MINDY2: variants seen among roughly 807,000 people sequenced by gnomAD.
The protein encoded by MINDY2 is MINDY lysine 48 deubiquitinase 2, also known as ubiquitin carboxyl-terminal hydrolase MINDY-2.
MINDY2 carries 52 observed loss-of-function variants against 68.2 expected under a neutral mutation model. The observed-to-expected ratio is 0.76, with a 90% confidence interval of 0.61 to 0.96. The LOEUF (loss-of-function observed/expected upper bound fraction) is 0.96, where lower values mean the gene tolerates loss of function less well. Among genes scored for constraint, MINDY2 ranks in the 40% least tolerant of loss-of-function variants. The pLI, the probability that MINDY2 is intolerant of heterozygous loss-of-function variation, is 0.00. For missense variants in MINDY2, 881 were observed against 773.4 expected, an observed-to-expected ratio of 1.14 and a Z score of -1.65; for synonymous variants, 372 against 303.0, an observed-to-expected ratio of 1.23 and a Z score of -2.36.
intron 2 of MINDY2, among the ~76,000 whole-genome samples, chr15:58,797,804 T>G (rs1212466581): frequency 6.6e-6 from 1 of 152,118 alleles, no homozygotes; most frequent in African/African-American, 2.4e-5. Context: ...TGCCATGAGT[T>G]CTGCAAATGA....
chr15:58,778,525 A>C (rs1900917596), intron 1 of MINDY2, among the ~76,000 whole-genome samples: 1 of 151,742 alleles, frequency 6.6e-6, no homozygotes, highest in Non-Finnish European at 1.5e-5. Context: ...AGCTTAAAAA[A>C]ACAGACACAC....
Position 58,817,175 on chromosome 15 carries a change from G to C in MINDY2, c.1123-4542G>C, listed in dbSNP as rs117365676. 9.0e-4 allele frequency among the ~76,000 whole-genome samples: 137 copies of C among 152,230 alleles called. 1 individual carries two copies. The highest frequency in any genetic ancestry group is 1.6e-3 in the Non-Finnish European group (111 of 68,020). ...AAGGCATTCCAAACAGAATGTAAAA[G>C]CAAGCCACAGAGTAGAAGATGAATT... On this transcript the variant is annotated intron_variant, in intron 4 of 8. Coordinates refer to ENST00000559228, the MANE Select transcript of MINDY2 (RefSeq NM_001040450.3).
chr15:58,785,360 T>TA (rs200859113), intron 1 of MINDY2, among the ~76,000 whole-genome samples: 15 of 149,592 alleles, frequency 1.0e-4, no homozygotes, highest in South Asian at 4.2e-4. Context: ...TATTTGCTTC[T>TA]AAAAAAAAAA....
Position 58,858,417 on chromosome 15 carries a change from A to G in MINDY2, c.*3807A>G, listed in dbSNP as rs545162888. 1.3e-5 allele frequency: 2 copies of G among 152,316 alleles called. No individual in the cohort carries two copies. The highest frequency in any genetic ancestry group is 3.9e-4 in the East Asian group (2 of 5,192). 9.4% of individuals were successfully genotyped at this position (152,316 alleles called of 1,614,324 possible). On this transcript the variant is annotated 3_prime_UTR_variant, in exon 9 of 9. Transcript: ENST00000559228. ...CTGAACCCAAGATTAAACATTTTGC[A>G]CTTGCACAAAACCTTCTTAGCATTT...
At chr15:58,806,964 ATCAT>A (rs1174202180) in intron 3 of MINDY2, among the ~76,000 whole-genome samples, 1 of 152,242 alleles carries the variant, frequency 6.6e-6, no homozygotes, top group Admixed American at 6.5e-5. Flanking sequence ...TTATAAATGC[ATCAT>A]TCATTAATTT....
intron 1 of MINDY2, among the ~76,000 whole-genome samples, chr15:58,786,273 G>C (rs1901490642): frequency 6.6e-6 from 1 of 152,126 alleles, no homozygotes; most frequent in Non-Finnish European, 1.5e-5. Flanking sequence ...CTGATTTAAA[G>C]GATTTCTTTG....
Position 58,851,853 on chromosome 15 carries a change from A to G in MINDY2, c.1625A>G (p.Asp542Gly). 6.2e-7 allele frequency: 1 copy of G among 1,613,452 alleles called. No homozygotes were observed. Among genetic ancestry groups the G allele is most frequent in the South Asian group, 1.1e-5 (1 of 91,066 alleles). The change falls in exon 8 of 9, where the codon GAT becomes GGT. Residue 542 changes from aspartate to glycine, a missense_variant. Asp to Gly is a moderately conservative substitution (Grantham distance 94, BLOSUM62 -1). Transcript: ENST00000559228. ...GAACAAATCCCGGAAGGAATCAGTG[A>G]TTTGGAACTAGCAAAGAAACTCCAA... The part of the protein sequence containing the change: ...NWEQIPEGIS[D>G]LELAKKLQEE...
At chr15:58,788,079 G>C (rs1019287036) in intron 2 of MINDY2, 116 bp downstream of exon 2, 7 of 634,834 alleles carry the variant, frequency 1.1e-5, no homozygotes, top group African/African-American at 1.9e-5. Flanking sequence ...TAAAATTATA[G>C]TTTTGAATCT....
rs765563831 is a variant in MINDY2, at chr15:58,802,368, T to C, written c.954T>C (p.Asn318=). 6.3e-7 allele frequency: 1 copy of C among 1,582,954 alleles called. No individual in the cohort carries two copies. The highest frequency in any genetic ancestry group is 8.6e-7 in the Non-Finnish European group (1 of 1,163,260). ...PKEISEIQRL[N]YEQNMSDAMA... ...AAATTTCAGAAATTCAACGTTTAAATTATGAACAGGTAATAAACAGTTTTT... is the reference window on the plus strand; with the variant it reads ...AAATTTCAGAAATTCAACGTTTAAACTATGAACAGGTAATAAACAGTTTTT... Residue 318 remains asparagine, a synonymous_variant, in exon 3 of 9, where the codon AAT becomes AAC. Coordinates refer to ENST00000559228, the MANE Select transcript of MINDY2 (RefSeq NM_001040450.3).
intron 2 of MINDY2, among the ~76,000 whole-genome samples, chr15:58,794,396 T>TGTGTGTGTG (rs1567045810): frequency 6.8e-6 from 1 of 147,792 alleles, no homozygotes; most frequent in African/African-American, 2.5e-5. Context: ...TGTGTGTGTG[T>TGTGTGTGTG]TTTAAGAATA....
intron 4 of MINDY2, among the ~76,000 whole-genome samples, chr15:58,811,466 G>A (rs1345626835): frequency 6.6e-6 from 1 of 152,204 alleles, no homozygotes; most frequent in African/African-American, 2.4e-5. Context: ...GGAACAACAA[G>A]TAAGAGATGG....
chr15:58,798,291 ATT>A (rs754213911), intron 2 of MINDY2, among the ~76,000 whole-genome samples: 13 of 131,084 alleles, frequency 9.9e-5, no homozygotes, highest in Admixed American at 7.8e-5. Flanking sequence ...TAATTTTTGT[ATT>A]TTTTTTTTTT....
At chr15:58,775,941 C>T (rs1900746030) in intron 1 of MINDY2, among the ~76,000 whole-genome samples, 1 of 150,250 alleles carries the variant, frequency 6.7e-6, no homozygotes, top group African/African-American at 2.5e-5. Flanking sequence ...TGGCTCACTG[C>T]AGCCTCTGCC....
At chr15:58,826,526 G>A (rs2031408504) in intron 5 of MINDY2, among the ~76,000 whole-genome samples, 1 of 151,918 alleles carries the variant, frequency 6.6e-6, no homozygotes, top group Non-Finnish European at 1.5e-5. Flanking sequence ...ACTGCACCTG[G>A]CCCCACACAC....
At chr15:58,785,135 C>CCAAAAAA (rs1901401568) in intron 1 of MINDY2, among the ~76,000 whole-genome samples, 1 of 68,470 alleles carries the variant, frequency 1.5e-5, no homozygotes, top group East Asian at 4.5e-4. Context: ...TGAAGGAAAG[C>CCAAAAAA]AAAAAAAAAA....
At chr15:58,799,537 C>G (rs1567048622) in intron 2 of MINDY2, among the ~76,000 whole-genome samples, 1 of 149,738 alleles carries the variant, frequency 6.7e-6, no homozygotes. Flanking sequence ...CGAGATGGCA[C>G]CACTGCACTC....
chr15:58,850,874 G>A (rs555300560), intron 7 of MINDY2, among the ~76,000 whole-genome samples: 16 of 151,720 alleles, frequency 1.1e-4, no homozygotes, highest in East Asian at 7.8e-4. Context: ...GGTGTGTGCC[G>A]TTGTACCTGG....
intron 8 of MINDY2, 34 bp from the exon 9 acceptor site, chr15:58,854,448 T>C (rs1567080753): frequency 1.3e-6 from 2 of 1,598,352 alleles, no homozygotes; most frequent in Non-Finnish European, 1.7e-6. Context: ...TCAGAATAGT[T>C]AGAGTAATTT....
At chr15:58,835,250 T>A (rs1297386271) in intron 6 of MINDY2, among the ~76,000 whole-genome samples, 2 of 152,224 alleles carry the variant, frequency 1.3e-5, no homozygotes, top group Middle Eastern at 3.2e-3. Context: ...TAAGGATACA[T>A]ATCACAAGCT....
Sources: allele counts gnomAD v4.1 joint callset (sites outside exome capture counted in the v4.1 genomes callset), GRCh38; gene constraint gnomAD v4.1.1; transcripts MANE v1.5; gene names NCBI Gene and HGNC (gene_info 2026-07-23, HGNC 2026-07-21).